GAPVD1: variants seen among roughly 807,000 people sequenced by gnomAD.
The protein encoded by GAPVD1 is GTPase activating protein and VPS9 domains 1.
Under a neutral mutation model 155.5 loss-of-function variants are expected in GAPVD1, and 35 were observed. The ratio of observed to expected loss-of-function variants is 0.23; its 90% confidence interval spans 0.17 to 0.30. GAPVD1 has a LOEUF of 0.30. Among genes scored for constraint, GAPVD1 ranks in the 10% least tolerant of loss-of-function variants. GAPVD1 has a pLI of 1.00. For synonymous variants in GAPVD1, 636 were observed against 619.7 expected, an observed-to-expected ratio of 1.03 and a Z score of -0.39; for missense variants, 1,429 against 1,775.7, an observed-to-expected ratio of 0.80 and a Z score of 3.51.
Position 125,301,739 on chromosome 9 carries a change from C to T in GAPVD1, c.186-244C>T, listed in dbSNP as rs142537763. Among the ~76,000 whole-genome samples, 964 of 152,102 alleles carry T rather than the reference C, an allele frequency of 6.3e-3. 9 individuals carry two copies. Among genetic ancestry groups the T allele is most frequent in the Middle Eastern group, 0.027 (8 of 294 alleles). On this transcript the variant is annotated intron_variant, in intron 4 of 27. Transcript: ENST00000297933. ...TGCTGGGATTACAGGTCTGAGCCAC[C>T]GCACCCAGCCCCAATACTTTTCATT...
At chr9:125,264,845 G>A (rs34081390) in intron 1 of GAPVD1, among the ~76,000 whole-genome samples, 3 of 150,972 alleles carry the variant, frequency 2.0e-5, no homozygotes, top group South Asian at 2.1e-4. Flanking sequence ...CAGCCTCCCA[G>A]GTAGCTGGGA....
chr9:125,275,491 A>G (rs768016738), intron 2 of GAPVD1, among the ~76,000 whole-genome samples: 1 of 152,172 alleles, frequency 6.6e-6, no homozygotes, highest in Non-Finnish European at 1.5e-5. Flanking sequence ...ACTCAGGCCT[A>G]TAGTCCCAGC....
At chr9:125,335,192 C>G (rs1437206358) in intron 15 of GAPVD1, 2 of 771,580 alleles carry the variant, frequency 2.6e-6, no homozygotes, top group Non-Finnish European at 2.4e-6. Flanking sequence ...TATACTTCAG[C>G]CAAAACAACA....
chr9:125,356,262 T>C (rs1286229314), intron 25 of GAPVD1, among the ~76,000 whole-genome samples: 1 of 152,196 alleles, frequency 6.6e-6, no homozygotes, highest in Non-Finnish European at 1.5e-5. Flanking sequence ...CTTGCCACAG[T>C]TGCCATTTGA....
intron 9 of GAPVD1, among the ~76,000 whole-genome samples, chr9:125,319,352 C>T (rs764427457): frequency 3.3e-5 from 5 of 150,124 alleles, no homozygotes; most frequent in Admixed American, 1.3e-4. Context: ...CCAGCCTGGG[C>T]GACAGAATGA....
In GAPVD1 at chr9:125,287,609, G is replaced by A. The variant is rs1837917808; in HGVS notation, c.-149-7849G>A. ...ATTAGGATTGGAGGGGTGGATTGAAGCAAGATTGTGCTTTGAATATTAAAC... is the reference window on the plus strand; with the variant it reads ...ATTAGGATTGGAGGGGTGGATTGAAACAAGATTGTGCTTTGAATATTAAAC... On this transcript the variant is annotated intron_variant, in intron 2 of 27. Coordinates refer to ENST00000297933, the MANE Select transcript of GAPVD1 (RefSeq NM_001282680.3). Among the ~76,000 whole-genome samples, 6 of 152,328 alleles carry A rather than the reference G, an allele frequency of 3.9e-5. No individual in the cohort carries two copies. The South Asian group carries it at 1.2e-3, about 32-fold the overall frequency.
chr9:125,337,689 TAG>T, intron 17 of GAPVD1, 98 bp downstream of exon 17: 1 of 1,136,532 alleles, frequency 8.8e-7, no homozygotes, highest in Non-Finnish European at 1.2e-6. Context: ...GGATTACAGA[TAG>T]AGAGTAGTCA....
rs371501430 is a variant in GAPVD1, at chr9:125,297,551, A to G, written c.-32-1339A>G. On this transcript the variant is annotated intron_variant, in intron 3 of 27. Coordinates refer to ENST00000297933, the MANE Select transcript of GAPVD1 (RefSeq NM_001282680.3). ...CAAATGTGGACACTTTGAGAGAGGG[A>G]CATGCTTGGCCTGTTCAAGGAACAG... is the stretch of plus-strand genomic sequence containing the variant. 2.6e-4 allele frequency among the ~76,000 whole-genome samples: 40 copies of G among 152,310 alleles called. 1 individual carries two copies. In the East Asian group the frequency reaches 5.6e-3, roughly 21 times the overall value.
In GAPVD1 at chr9:125,337,607, C is replaced by A; in HGVS notation, c.2877+16C>A. On this transcript the variant is annotated intron_variant, in intron 17 of 27. Transcript: ENST00000297933. ...AAGAGGAGAGGTATGGGACATAGGC[C>A]GTGAAAAAGAATTATGTTCTGCCTG... 6.3e-7 allele frequency: 1 copy of A among 1,589,968 alleles called. No homozygotes were observed. The highest frequency in any genetic ancestry group is 1.7e-4 in the Middle Eastern group (1 of 5,940).
intron 2 of GAPVD1, among the ~76,000 whole-genome samples, chr9:125,275,073 A>C (rs10986679): frequency 0.019 from 2,833 of 151,650 alleles, 116 homozygotes; most frequent in East Asian, 0.088. Context: ...AATTTTTTTC[A>C]ATTTTTAAAT....
intron 9 of GAPVD1, among the ~76,000 whole-genome samples, chr9:125,317,797 T>TAGA (rs1157237453): frequency 6.6e-6 from 1 of 151,288 alleles, no homozygotes; most frequent in Non-Finnish European, 1.5e-5. Flanking sequence ...TCTCACCAAA[T>TAGA]AGAAGATATC....
intron 25 of GAPVD1, among the ~76,000 whole-genome samples, chr9:125,356,101 C>T (rs1589131315): frequency 6.6e-6 from 1 of 152,330 alleles, no homozygotes; most frequent in Non-Finnish European, 1.5e-5. Context: ...CTGCTGTTTA[C>T]TCTGCCTTAA....
At chr9:125,360,339 A>C (rs1016921740) in intron 26 of GAPVD1, among the ~76,000 whole-genome samples, 189 bp from the exon 27 acceptor site, 2 of 152,214 alleles carry the variant, frequency 1.3e-5, no homozygotes. Context: ...TAAAATTCAG[A>C]GCAACTTATT....
At chr9:125,347,020 AAAAG>A in intron 20 of GAPVD1, 79 bp downstream of exon 20, 1 of 1,430,786 alleles carries the variant, frequency 7.0e-7, no homozygotes, top group South Asian at 1.2e-5. Context: ...AGTGGCCTTT[AAAAG>A]AAAGAATAGC....
intron 9 of GAPVD1, among the ~76,000 whole-genome samples, chr9:125,313,634 A>G (rs2131288085): frequency 6.7e-6 from 1 of 150,238 alleles, no homozygotes; most frequent in Non-Finnish European, 1.5e-5. Context: ...ATGGAGTGTC[A>G]CTCTGTTGCA....
chr9:125,306,372 G>C (rs1841804938), intron 6 of GAPVD1, among the ~76,000 whole-genome samples: 2 of 152,000 alleles, frequency 1.3e-5, no homozygotes, highest in Non-Finnish European at 2.9e-5. Context: ...CCTTCTAGAG[G>C]TCCATATGTT....
chr9:125,262,007 C>T (rs1832989111), intron 1 of GAPVD1, 48 bp downstream of exon 1: 1 of 152,610 alleles, frequency 6.6e-6, no homozygotes, highest in Non-Finnish European at 1.5e-5. Flanking sequence ...CGGCTCCCTG[C>T]CTCGCGGCCG....
chr9:125,340,808 C>T (rs935453551), intron 17 of GAPVD1, among the ~76,000 whole-genome samples: 4 of 152,210 alleles, frequency 2.6e-5, no homozygotes, highest in African/African-American at 9.7e-5. Flanking sequence ...AAGTCACCTA[C>T]GTGGCAATAA....
Position 125,302,033 on chromosome 9 carries a change from A to T in GAPVD1, c.236A>T (p.Asp79Val). 1 of 1,608,462 alleles carries T rather than the reference A, an allele frequency of 6.2e-7. No individual in the cohort carries two copies. Among genetic ancestry groups the T allele is most frequent in the Non-Finnish European group, 8.5e-7 (1 of 1,178,226 alleles). Residue 79 changes from aspartate to valine, a missense_variant, in exon 5 of 28, where the codon GAT becomes GTT. By Grantham distance (152) the Asp-to-Val change is radical. This residue lies in a region of GAPVD1 where 628 missense variants were observed against 733.4 expected (regional missense o/e 0.86). Coordinates refer to ENST00000297933, the MANE Select transcript of GAPVD1 (RefSeq NM_001282680.3). Reference sequence around the variant, plus strand: ...TGCCAACATGCCAAAATTTTGGAAGATACACAATTTGTTGATGGGTATAAG... The same window carrying T: ...TGCCAACATGCCAAAATTTTGGAAGTTACACAATTTGTTGATGGGTATAAG... ...ECCQHAKILE[D>V]TQFVDGYKQL...
Sources: gnomAD v4.1 joint callset for allele counts (sites outside exome capture counted in the v4.1 genomes callset) on GRCh38, gnomAD v4.1.1 for gene constraint, gnomAD v4.1.1 regional missense constraint, MANE v1.5 for transcripts, NCBI Gene and HGNC (gene_info 2026-07-23, HGNC 2026-07-21) for gene names.